ELMO1: variants seen among roughly 807,000 people sequenced by gnomAD.
ELMO1 encodes engulfment and cell motility protein 1.
In ELMO1, 26 loss-of-function variants were observed where a neutral mutation model predicts 98.9. The ratio of observed to expected loss-of-function variants is 0.26; its 90% CI spans 0.19 to 0.36. The LOEUF is 0.36. ELMO1 is among the 10% of genes least tolerant of loss of function. ELMO1 has a pLI of 1.00. For missense variants in ELMO1, 627 were observed against 935.2 expected (o/e 0.67, Z 4.30); for synonymous variants, 346 against 346.0 (o/e 1.00, Z 0.00).
intron 15 of ELMO1, among the ~76,000 whole-genome samples, chr7:37,024,740 C>G (rs1466827630): frequency 6.6e-6 from 1 of 152,178 alleles, no homozygotes; most frequent in East Asian, 1.9e-4. Context: ...CTTAGTCCAG[C>G]ACCTGACATT....
At chr7:36,969,243 G>A (rs770659922) in intron 16 of ELMO1, among the ~76,000 whole-genome samples, 3 of 151,574 alleles carry the variant, frequency 2.0e-5, no homozygotes, top group Non-Finnish European at 4.4e-5. Context: ...TATATTTAAA[G>A]GTATCAATTC....
At chr7:37,198,054 AG>A (rs1792073353) in intron 13 of ELMO1, among the ~76,000 whole-genome samples, 1 of 152,250 alleles carries the variant, frequency 6.6e-6, no homozygotes, top group African/African-American at 2.4e-5. Context: ...GCACAAGAGC[AG>A]GCAGCATAAG....
At chr7:37,099,002 A>G (rs1784503899) in intron 14 of ELMO1, among the ~76,000 whole-genome samples, 1 of 152,264 alleles carries the variant, frequency 6.6e-6, no homozygotes, top group South Asian at 2.1e-4. Flanking sequence ...TGTGATCTGC[A>G]TACACTGTAG....
intron 7 of ELMO1, among the ~76,000 whole-genome samples, chr7:37,243,813 TAGAA>T (rs1794869311): frequency 6.6e-6 from 1 of 152,188 alleles, no homozygotes; most frequent in Non-Finnish European, 1.5e-5. Context: ...GAAAGAAACT[TAGAA>T]GGGAAAACTC....
chr7:37,193,303 GCA>G (rs1405093658), intron 13 of ELMO1, among the ~76,000 whole-genome samples: 1 of 152,076 alleles, frequency 6.6e-6, no homozygotes, highest in Non-Finnish European at 1.5e-5. Context: ...AGCCCAACCC[GCA>G]CAGTGATTGT....
At chr7:37,410,206 A>T (rs1803940581) in intron 1 of ELMO1, among the ~76,000 whole-genome samples, 1 of 152,236 alleles carries the variant, frequency 6.6e-6, no homozygotes, top group African/African-American at 2.4e-5. Flanking sequence ...CATGAAAAAA[A>T]ATGAACTCCC....
At chr7:37,199,112 G>A (rs772828406) in intron 13 of ELMO1, among the ~76,000 whole-genome samples, 12 of 152,174 alleles carry the variant, frequency 7.9e-5, no homozygotes, top group South Asian at 2.1e-4. Context: ...ACCACAATGC[G>A]TGCTAAATAG....
chr7:37,282,034 A>AT (rs11431983), intron 4 of ELMO1, among the ~76,000 whole-genome samples: 152,353 of 152,354 alleles, frequency 1, 76,176 homozygotes, highest in Non-Finnish European at 1. Context: ...CTCCATGTGG[A>AT]TGGGTAATAA....
chr7:37,243,666 A>T (rs573712716), intron 7 of ELMO1, among the ~76,000 whole-genome samples: 1 of 152,308 alleles, frequency 6.6e-6, no homozygotes, highest in African/African-American at 2.4e-5. Flanking sequence ...AATAAGGTTC[A>T]CACTTTGAGA....
chr7:36,855,404 C>T lies in ELMO1; in HGVS notation c.*147G>A. The T allele has an allele frequency of 9.9e-7, 1 of 1,014,436 alleles. No homozygotes were observed. The highest frequency in any genetic ancestry group is 2.4e-5 in the East Asian group (1 of 41,302). 62.8% of individuals were successfully genotyped at this position (1,014,436 alleles called of 1,614,324 possible). Reference sequence around the variant, plus strand: ...ATGCCAGCTAGGGGCTGAAAGTTGCCAGGGCTAGAGGTGATGCTGAAGGGA... The same window carrying T: ...ATGCCAGCTAGGGGCTGAAAGTTGCTAGGGCTAGAGGTGATGCTGAAGGGA... On this transcript the variant is annotated 3_prime_UTR_variant, in exon 22 of 22. Transcript: ENST00000310758. The surrounding 1 kb of genome is among the most constrained non-coding windows in gnomAD (Gnocchi z 4.2).
chr7:36,943,829 G>A (rs547735877), intron 16 of ELMO1, among the ~76,000 whole-genome samples: 1 of 152,144 alleles, frequency 6.6e-6, no homozygotes, highest in South Asian at 2.1e-4. Context: ...CTTTTTCCTC[G>A]AGAGCTCCCT....
At chr7:37,201,172 T>C (rs1792273232) in intron 13 of ELMO1, among the ~76,000 whole-genome samples, 1 of 152,120 alleles carries the variant, frequency 6.6e-6, no homozygotes, top group South Asian at 2.1e-4. Context: ...GAACCACATG[T>C]CAAGAGTCAG....
chr7:37,177,238 G>C (rs1790544890), intron 13 of ELMO1, among the ~76,000 whole-genome samples: 1 of 152,212 alleles, frequency 6.6e-6, no homozygotes, highest in Non-Finnish European at 1.5e-5. Flanking sequence ...TTTCTGCTAT[G>C]AGTGGCTTGT....
rs774498932 is a variant in ELMO1, at chr7:37,013,462, GAA to G, written c.1301-29_1301-28del. 5 of 1,611,744 alleles carry G rather than the reference GAA, an allele frequency of 3.1e-6. No individual in the cohort carries two copies. The South Asian group carries it at 5.5e-5, about 18-fold the overall frequency. Reference sequence around the variant, plus strand: ...TGGAGGAAAGAGATGGAAAATAAGAGAAAAAGTTTTAAAACAGTGAAACACGA... The same window carrying G: ...TGGAGGAAAGAGATGGAAAATAAGAGAAAGTTTTAAAACAGTGAAACACGA... On this transcript the variant is annotated intron_variant, in intron 15 of 21. Coordinates refer to ENST00000310758, the MANE Select transcript of ELMO1 (RefSeq NM_014800.11).
At chr7:36,934,388 C>T (rs529859955) in intron 16 of ELMO1, among the ~76,000 whole-genome samples, 152 of 152,298 alleles carry the variant, frequency 1.0e-3, no homozygotes, top group Admixed American at 3.5e-3. Context: ...GAGGGAAGAG[C>T]GCTGGGCTTC....
intron 15 of ELMO1, among the ~76,000 whole-genome samples, chr7:37,059,024 C>T (rs990559330): frequency 2.0e-5 from 3 of 152,132 alleles, no homozygotes; most frequent in Admixed American, 1.3e-4. Context: ...ATGTCCCACT[C>T]GGGCCACCTG....
chr7:36,978,740 C>A (rs1790794817), intron 16 of ELMO1, among the ~76,000 whole-genome samples: 1 of 152,230 alleles, frequency 6.6e-6, no homozygotes, highest in Non-Finnish European at 1.5e-5. Flanking sequence ...TGTTGACTGG[C>A]TTCCAAAACC....
chr7:37,207,354 C>T (rs1289299858), intron 13 of ELMO1, among the ~76,000 whole-genome samples: 2 of 152,116 alleles, frequency 1.3e-5, no homozygotes, highest in Non-Finnish European at 2.9e-5. Flanking sequence ...AGTTCGAGAG[C>T]AGCCTGGCCA....
chr7:37,407,168 G>T (rs1803806069), intron 1 of ELMO1, among the ~76,000 whole-genome samples: 1 of 152,186 alleles, frequency 6.6e-6, no homozygotes, highest in South Asian at 2.1e-4. Context: ...TCCACACAAT[G>T]ACACAGTATT....
Sources: gnomAD v4.1 joint callset for allele counts (sites outside exome capture counted in the v4.1 genomes callset) on GRCh38, gnomAD v4.1.1 for gene constraint, Gnocchi (gnomAD v3.1) non-coding constraint, MANE v1.5 for transcripts, NCBI Gene and HGNC (gene_info 2026-07-23, HGNC 2026-07-21) for gene names.